POLQ: variants seen among roughly 807,000 people sequenced by gnomAD.
POLQ encodes DNA polymerase theta.
Under a neutral mutation model 259.2 loss-of-function variants are expected in POLQ, and 233 were observed. The ratio of observed to expected loss-of-function variants is 0.90; its 90% CI spans 0.81 to 1.00. POLQ has a LOEUF of 1.00. Among genes scored for constraint, POLQ ranks in the 50% least tolerant of loss-of-function variants. POLQ has a pLI of 0.00. For synonymous variants in POLQ, 1,025 were observed against 1,048.8 expected, an observed-to-expected ratio of 0.98 and a Z score of 0.44; for missense variants, 2,871 against 3,051.6, an observed-to-expected ratio of 0.94 and a Z score of 1.39.
chr3:121,443,682 T>C (rs968967420), intron 26 of POLQ, among the ~76,000 whole-genome samples: 41 of 152,346 alleles, frequency 2.7e-4, no homozygotes, highest in African/African-American at 8.7e-4. Flanking sequence ...CAGACTGATA[T>C]ACTGGAGAGT....
At chr3:121,466,527 C>A (rs2047838192) in intron 24 of POLQ, among the ~76,000 whole-genome samples, 2 of 151,788 alleles carry the variant, frequency 1.3e-5, no homozygotes, top group African/African-American at 4.8e-5. Context: ...CCTGTCTCTA[C>A]TAAAAATACA....
intron 14 of POLQ, among the ~76,000 whole-genome samples, chr3:121,496,287 T>C (rs1458658130): frequency 1.3e-5 from 2 of 151,802 alleles, no homozygotes; most frequent in Non-Finnish European, 2.9e-5. Flanking sequence ...AGCAATTCTC[T>C]GCCTCAGCCT....
rs867465670 is a variant in POLQ at position 121,501,570 on chromosome 3, G to A, written c.1960-2900C>T. Among the ~76,000 whole-genome samples the A allele has an allele frequency of 3.1e-3, 460 of 147,540 alleles. 3 individuals are homozygous for A. Among genetic ancestry groups the A allele is most frequent in the African/African-American group, 0.011 (438 of 40,438 alleles). The stretch of plus-strand genomic sequence containing the variant: ...GCTACTTGGGAGGCTGAGGCAGGAG[G>A]AGAATGGCGTGAACCCGGGAGGCGG... On this transcript the variant is annotated intron_variant, in intron 12 of 29. Transcript: ENST00000264233.
chr3:121,497,082 G>T, intron 13 of POLQ, 150 bp from the exon 14 acceptor site: 1 of 818,898 alleles, frequency 1.2e-6, no homozygotes, highest in Non-Finnish European at 1.9e-6. Context: ...AGGATTACTG[G>T]ACAAAGGCTG....
At chr3:121,525,664 G>A (rs572627831) in intron 7 of POLQ, among the ~76,000 whole-genome samples, 70 of 152,178 alleles carry the variant, frequency 4.6e-4, no homozygotes, top group African/African-American at 1.4e-3. Flanking sequence ...AGAAGGGTCC[G>A]TGCCATAAAA....
In POLQ at chr3:121,485,030, TC is replaced by T. The variant is rs571428901; in HGVS notation, c.5773+10del. 37 of 1,601,614 alleles carry T rather than the reference TC, an allele frequency of 2.3e-5. No homozygotes were observed. In the African/African-American group the frequency reaches 4.3e-4, roughly 19 times the overall value. On this transcript the variant is annotated intron_variant, in intron 17 of 29. Transcript: ENST00000264233. ...ATTACATAGTGACTTAGCCAAATAC[TC>T]ATTACTTACCAGAATGCTTTTGTTC...
chr3:121,468,786 T>A (rs1219376290), intron 22 of POLQ, among the ~76,000 whole-genome samples: 2 of 152,164 alleles, frequency 1.3e-5, no homozygotes, highest in African/African-American at 4.8e-5. Flanking sequence ...GCTAATCAAA[T>A]GGATCTTAGG....
chr3:121,544,814 T>A lies in POLQ; in HGVS notation c.256A>T (p.Ser86Cys). The A allele has an allele frequency of 6.2e-7, 1 of 1,612,798 alleles. No homozygotes were observed. The highest frequency in any genetic ancestry group is 1.1e-5 in the South Asian group (1 of 91,012). The change falls in exon 2 of 30, where the codon AGT (serine) becomes TGT (cysteine). Residue 86 changes from serine to cysteine, a missense_variant. Physicochemically the swap from Ser to Cys is moderately radical, Grantham distance 112. Around this residue, in one of 3 missense-constraint regions of POLQ, gnomAD observed 783 missense variants for 906.2 expected, o/e 0.86. Transcript: ENST00000264233. The part of the protein sequence containing the change: ...LPKAVLEKYH[S>C]FGVKKMFEWQ... ...TCAAACATCTTTTTTACACCAAAAC[T>A]GTGGTATTTTTCCAGAACTGCTTTA...
At chr3:121,538,650 A>G (rs938487395) in intron 4 of POLQ, among the ~76,000 whole-genome samples, 3 of 152,078 alleles carry the variant, frequency 2.0e-5, no homozygotes, top group Non-Finnish European at 4.4e-5. Context: ...TACATTGGAA[A>G]TAGCACTTAC....
chr3:121,542,495 G>T (rs2048497750), intron 2 of POLQ, among the ~76,000 whole-genome samples: 1 of 152,130 alleles, frequency 6.6e-6, no homozygotes, highest in Non-Finnish European at 1.5e-5. Flanking sequence ...GACACAGAAG[G>T]TAATTTAGTA....
At chr3:121,457,004 C>T (rs2047744644) in intron 25 of POLQ, among the ~76,000 whole-genome samples, 1 of 152,144 alleles carries the variant, frequency 6.6e-6, no homozygotes, top group Non-Finnish European at 1.5e-5. Context: ...CTACAGTAAC[C>T]AAAACAGCAT....
intron 9 of POLQ, among the ~76,000 whole-genome samples, chr3:121,513,443 A>G (rs1383675080): frequency 6.6e-6 from 1 of 151,542 alleles, no homozygotes; most frequent in Non-Finnish European, 1.5e-5. Flanking sequence ...CTCTACTAAA[A>G]ATACAAAAAT....
intron 25 of POLQ, among the ~76,000 whole-genome samples, chr3:121,450,997 CT>C (rs200826943): frequency 0.021 from 3,270 of 152,160 alleles, 116 homozygotes; most frequent in African/African-American, 0.074. Flanking sequence ...TCTTTTTATT[CT>C]TTTTCTCTAA....
At chr3:121,521,454 A>G (rs921001999) in intron 8 of POLQ, 6 of 152,222 alleles carry the variant, frequency 3.9e-5, no homozygotes, top group African/African-American at 1.4e-4. Context: ...AAAACATCAT[A>G]TATGTGGGGC....
intron 5 of POLQ, among the ~76,000 whole-genome samples, chr3:121,534,255 A>G (rs2108818931): frequency 1.3e-5 from 2 of 151,238 alleles, no homozygotes; most frequent in Middle Eastern, 6.9e-3. Flanking sequence ...GAATTTTTAA[A>G]TGTCTGGATA....
chr3:121,481,755 T>C lies in POLQ; in HGVS notation c.6028A>G (p.Thr2010Ala). The C allele has an allele frequency of 1.2e-6, 2 of 1,613,786 alleles. No homozygotes were observed. Among genetic ancestry groups the C allele is most frequent in the Non-Finnish European group, 1.7e-6 (2 of 1,179,764 alleles). Residue 2010 changes from threonine (T) to alanine (A), a missense_variant, in exon 19 of 30, where the codon ACC (threonine) becomes GCC (alanine). Physicochemically the swap from Thr to Ala is moderately conservative, Grantham distance 58. Coordinates refer to ENST00000264233, the MANE Select transcript of POLQ (RefSeq NM_199420.4). Reference protein sequence around the residue: ...SQEPTLHSIVTSFLPHELPLL... With the variant: ...SQEPTLHSIVASFLPHELPLL... The stretch of plus-strand genomic sequence containing the variant: ...GGAAGCTCATGAGGAAGAAAACTGG[T>C]AACTATGCTATGAAGAGTCGGCTCC...
At chr3:121,496,369 G>A (rs1441598264) in intron 14 of POLQ, among the ~76,000 whole-genome samples, 1 of 151,912 alleles carries the variant, frequency 6.6e-6, no homozygotes, top group African/African-American at 2.4e-5. Context: ...TAGAGATGGG[G>A]TTTCACCATC....
intron 2 of POLQ, among the ~76,000 whole-genome samples, chr3:121,543,851 C>T (rs751831203): frequency 2.0e-5 from 3 of 151,788 alleles, no homozygotes; most frequent in Non-Finnish European, 4.4e-5. Context: ...GGCATGGCAG[C>T]GGGCATCTGT....
Position 121,488,931 on chromosome 3 carries a change from G to C in POLQ, c.4000C>G (p.Gln1334Glu), listed in dbSNP as rs753712465. 12 of 1,614,098 alleles carry C rather than the reference G, an allele frequency of 7.4e-6. No individual in the cohort carries two copies. The Admixed American group carries it at 2.0e-4, about 27-fold the overall frequency. Residue 1334 changes from glutamine to glutamate, a missense_variant, in exon 16 of 30, where the codon CAG (glutamine) becomes GAG (glutamate). Gln to Glu is a conservative substitution (Grantham distance 29). Coordinates refer to ENST00000264233, the MANE Select transcript of POLQ (RefSeq NM_199420.4). ...AGTTTGGCATTTTCAGTTGCCATCT[G>C]TTGTATTATTTTCTCTGACTGAGTA... ...LDTQSEKIIQ[Q>E]MATENAKLGA...
Sources: gnomAD v4.1 joint callset for allele counts (sites outside exome capture counted in the v4.1 genomes callset) on GRCh38, gnomAD v4.1.1 for gene constraint, gnomAD v4.1.1 regional missense constraint, MANE v1.5 for transcripts, NCBI Gene and HGNC (gene_info 2026-07-23, HGNC 2026-07-21) for gene names.